The following MTAP variants were observed in gnomAD, a reference collection of about 807,000 sequenced individuals.
The protein encoded by MTAP is S-methyl-5'-thioadenosine phosphorylase.
MTAP carries 33 observed loss-of-function variants against 33.6 expected under a neutral mutation model. The observed-to-expected ratio is 0.98, with a 90% CI of 0.74 to 1.31. MTAP has a LOEUF of 1.31. Among genes scored for constraint, MTAP ranks in the 40% most tolerant of loss-of-function variants. The pLI, the probability that MTAP is intolerant of heterozygous loss-of-function variation, is 0.00. For synonymous variants in MTAP, 148 were observed against 125.7 expected (o/e 1.18, Z -1.19); for missense variants, 367 against 360.0 (o/e 1.02, Z -0.16).
At chr9:21,925,620 A>G (rs977733666) in intron 1 of MTAP, among the ~76,000 whole-genome samples, 6 of 152,214 alleles carry the variant, frequency 3.9e-5, no homozygotes, top group African/African-American at 9.6e-5. Flanking sequence ...AGTGGGACAG[A>G]TGGGAAAAAT....
At chr9:21,897,217 G>A (rs543363723) in intron 1 of MTAP, among the ~76,000 whole-genome samples, 1 of 152,290 alleles carries the variant, frequency 6.6e-6, no homozygotes, top group South Asian at 2.1e-4. Flanking sequence ...GCTAGGTATT[G>A]ATGGGATGTA....
intron 6 of MTAP, among the ~76,000 whole-genome samples, chr9:21,858,414 A>G (rs1168728008): frequency 6.6e-6 from 1 of 152,230 alleles, no homozygotes; most frequent in East Asian, 1.9e-4. Context: ...TACAGGCTGT[A>G]CGGGACGTGA....
chr9:21,887,973 T>C (rs1025568045), intron 1 of MTAP, among the ~76,000 whole-genome samples: 3 of 152,190 alleles, frequency 2.0e-5, no homozygotes, highest in Non-Finnish European at 2.9e-5. Flanking sequence ...TTGTGTACAT[T>C]GATATTCTAT....
At chr9:21,901,702 A>C (rs1818395609) in intron 1 of MTAP, among the ~76,000 whole-genome samples, 1 of 152,184 alleles carries the variant, frequency 6.6e-6, no homozygotes, top group Admixed American at 6.5e-5. Context: ...ACTGAGTCTC[A>C]GGGGTTTGCC....
chr9:21,863,963 G>T lies in MTAP; in HGVS notation c.*1949G>T, dbSNP rs1825805545. 1 of 985,718 alleles carries T rather than the reference G, an allele frequency of 1.0e-6. No homozygotes were observed. The allele number at this position is 985,718 out of a possible 1,614,324, so 61.1% of individuals were successfully genotyped here. A position where few individuals can be genotyped will look rare whatever the true frequency, so the allele number is the denominator to read the frequency against. ...AACTCTGGTTATCCATTAGCAATCT[G>T]TAGAGAACTTAATGAACCTGAACCC... On this transcript the variant is annotated 3_prime_UTR_variant, in exon 8 of 8. Transcript: ENST00000644715.
At chr9:21,900,077 C>G (rs1818365153) in intron 1 of MTAP, among the ~76,000 whole-genome samples, 1 of 152,102 alleles carries the variant, frequency 6.6e-6, no homozygotes, top group Non-Finnish European at 1.5e-5. Context: ...TATAAAAACC[C>G]TAGAAGAAAA....
chr9:21,832,338 A>G (rs951864048), intron 4 of MTAP, among the ~76,000 whole-genome samples: 1 of 152,176 alleles, frequency 6.6e-6, no homozygotes, highest in African/African-American at 2.4e-5. Flanking sequence ...CAAGTATTTG[A>G]TCATTCTCTT....
intron 4 of MTAP, among the ~76,000 whole-genome samples, chr9:21,831,676 A>G (rs1471304537): frequency 3.3e-5 from 5 of 152,200 alleles, no homozygotes; most frequent in African/African-American, 7.2e-5. Context: ...CTCAACTGCT[A>G]TCACTGTCAG....
chr9:21,839,605 G>C (rs1018318931), intron 5 of MTAP, among the ~76,000 whole-genome samples: 1 of 152,156 alleles, frequency 6.6e-6, no homozygotes, highest in Admixed American at 6.5e-5. Flanking sequence ...AGAATACTGG[G>C]AAAGGCAATT....
In MTAP at chr9:21,864,726, G is replaced by C. The variant is rs1287721360; in HGVS notation, c.*2712G>C. The C allele has an allele frequency of 1.0e-6, 1 of 985,198 alleles. No homozygotes were observed. The highest frequency in any genetic ancestry group is 1.1e-4 in the East Asian group (1 of 8,802). 61.0% of individuals were successfully genotyped at this position (985,198 alleles called of 1,614,324 possible). On this transcript the variant is annotated 3_prime_UTR_variant, in exon 8 of 8. Coordinates refer to ENST00000644715, the MANE Select transcript of MTAP (RefSeq NM_002451.4). Reference sequence around the variant, plus strand: ...TGGTACGGTGGCACCCTCAGGAGTGGAGGACAGTGAACTTCCTTGAAGAGG... The same window carrying C: ...TGGTACGGTGGCACCCTCAGGAGTGCAGGACAGTGAACTTCCTTGAAGAGG...
chr9:21,841,343 A>G (rs1012826276), intron 5 of MTAP, among the ~76,000 whole-genome samples: 1 of 152,248 alleles, frequency 6.6e-6, no homozygotes, highest in East Asian at 1.9e-4. Context: ...ACAGCAACTC[A>G]TAAAACAATA....
chr9:21,814,266 G>A (rs1329635143), intron 1 of MTAP, among the ~76,000 whole-genome samples: 3 of 151,798 alleles, frequency 2.0e-5, no homozygotes, highest in African/African-American at 7.3e-5. Context: ...ATTTTTTTAC[G>A]TGTTGATAGG....
intron 1 of MTAP, among the ~76,000 whole-genome samples, chr9:21,920,784 T>C (rs2098535578): frequency 6.6e-6 from 1 of 152,204 alleles, no homozygotes; most frequent in Non-Finnish European, 1.5e-5. Flanking sequence ...TCATGCTAAA[T>C]GATCTTTTTA....
chr9:21,894,211 TAAAAA>T (rs60193324), intron 1 of MTAP, among the ~76,000 whole-genome samples: 11,196 of 129,726 alleles, frequency 0.086, 588 homozygotes, highest in Non-Finnish European at 0.13. Context: ...CCTTTCATGT[TAAAAA>T]AAAAAAAAAA....
intron 1 of MTAP, among the ~76,000 whole-genome samples, chr9:21,895,527 G>C (rs1036551686): frequency 1.3e-5 from 2 of 152,202 alleles, no homozygotes; most frequent in Admixed American, 6.5e-5. Context: ...CCTCACCCGG[G>C]AAATGCCAGG....
chr9:21,825,841 G>A (rs1046352262), intron 4 of MTAP, among the ~76,000 whole-genome samples: 1 of 152,140 alleles, frequency 6.6e-6, no homozygotes, highest in African/African-American at 2.4e-5. Context: ...AGCCATTCAG[G>A]TGTGAGGTGA....
At chr9:21,884,002 G>C (rs901611178) in intron 1 of MTAP, among the ~76,000 whole-genome samples, 6 of 152,192 alleles carry the variant, frequency 3.9e-5, no homozygotes, top group Non-Finnish European at 7.4e-5. Flanking sequence ...AGGCCTTGGT[G>C]GTTTCTAGTG....
intron 1 of MTAP, 43 bp downstream of exon 1, chr9:21,802,824 T>A (rs757175723): frequency 1.0e-4 from 166 of 1,610,336 alleles, no homozygotes; most frequent in Non-Finnish European, 1.4e-4. Context: ...CCCTGCCGGA[T>A]GCCTTCTCGC....
chr9:21,915,055 C>CTTTCTTTCTTTCTTTCTTT (rs1491435938), intron 1 of MTAP, among the ~76,000 whole-genome samples: 10 of 25,886 alleles, frequency 3.9e-4, no homozygotes, highest in Middle Eastern at 0.019. Flanking sequence ...TTCCTTCCTT[C>CTTTCTTTCTTTCTTTCTTT]CTTTCTTTCT....
Sources: allele counts gnomAD v4.1 joint callset (sites outside exome capture counted in the v4.1 genomes callset), GRCh38; gene constraint gnomAD v4.1.1; transcripts MANE v1.5; gene names NCBI Gene and HGNC (gene_info 2026-07-23, HGNC 2026-07-21).